PACSIN2: variants seen among roughly 807,000 people sequenced by gnomAD.
PACSIN2 encodes protein kinase C and casein kinase substrate in neurons 2, also known as protein kinase C and casein kinase substrate in neurons protein 2.
PACSIN2 carries 25 observed loss-of-function variants against 63.8 expected under a neutral mutation model. The observed-to-expected ratio is 0.39, with a 90% CI of 0.29 to 0.55. The LOEUF is 0.55. Ranked by LOEUF, PACSIN2 falls within the 20% of genes least tolerant of loss-of-function variation. The pLI is 0.62. For missense variants in PACSIN2, 518 were observed against 646.9 expected, an observed-to-expected ratio of 0.80 and a Z score of 2.16; for synonymous variants, 255 against 256.2, an observed-to-expected ratio of 1.00 and a Z score of 0.05.
At chr22:42,894,169 G>A (rs2146678171) in intron 2 of PACSIN2, among the ~76,000 whole-genome samples, 1 of 152,200 alleles carries the variant, frequency 6.6e-6, no homozygotes, top group South Asian at 2.1e-4. Flanking sequence ...TTTTACAGAT[G>A]AGGAAACAAA....
rs1470548272 is a variant in PACSIN2 at position 42,870,915 on chromosome 22, T to C, written c.*442A>G. The C allele has an allele frequency of 5.5e-6, 1 of 180,606 alleles. No individual in the cohort carries two copies. Among genetic ancestry groups the C allele is most frequent in the African/African-American group, 2.3e-5 (1 of 42,740 alleles). 11.2% of individuals were successfully genotyped at this position (180,606 alleles called of 1,614,324 possible). On this transcript the variant is annotated 3_prime_UTR_variant, in exon 11 of 11. Transcript: ENST00000263246. ...AAATGAACAGGTGTATAAAAAAGTA[T>C]AACTGTACACAGCCTTTAAATTAAA...
chr22:43,002,045 G>C (rs1307154773), intron 1 of PACSIN2, among the ~76,000 whole-genome samples: 1 of 152,190 alleles, frequency 6.6e-6, no homozygotes, highest in Non-Finnish European at 1.5e-5. Flanking sequence ...AAGTTCCACA[G>C]CAGACCAGAA....
At chr22:42,965,539 A>G (rs1920946115) in intron 1 of PACSIN2, among the ~76,000 whole-genome samples, 1 of 152,238 alleles carries the variant, frequency 6.6e-6, no homozygotes, top group African/African-American at 2.4e-5. Flanking sequence ...TGCATCTGCA[A>G]TACAGTGGTG....
chr22:42,870,399 AACTC>A lies in PACSIN2; in HGVS notation c.*954_*957del, dbSNP rs768845502. 6.6e-6 allele frequency: 1 copy of A among 152,190 alleles called. No individual in the cohort carries two copies. The highest frequency in any genetic ancestry group is 1.5e-5 in the Non-Finnish European group (1 of 68,026). 9.4% of individuals were successfully genotyped at this position (152,190 alleles called of 1,614,324 possible). A position where few individuals can be genotyped will look rare whatever the true frequency, so the allele number is the denominator to read the frequency against. ...CAGACTTCAAGCAGTTTACAAACGA[AACTC>A]ACTGTTAAAAGCTGTTAAATCTCAT... On this transcript the variant is annotated 3_prime_UTR_variant, in exon 11 of 11. Transcript: ENST00000263246.
intron 1 of PACSIN2, among the ~76,000 whole-genome samples, chr22:42,928,427 T>C (rs989056846): frequency 1.3e-5 from 2 of 152,246 alleles, no homozygotes; most frequent in African/African-American, 2.4e-5. Context: ...GAGCCTCACA[T>C]AGCTTCTAAT....
chr22:42,993,312 A>C (rs773580991), intron 1 of PACSIN2, among the ~76,000 whole-genome samples: 2 of 152,198 alleles, frequency 1.3e-5, no homozygotes, highest in Non-Finnish European at 2.9e-5. Context: ...GGGCAGAGGG[A>C]CCCCAAGTGG....
intron 1 of PACSIN2, among the ~76,000 whole-genome samples, chr22:42,936,736 C>T (rs914798620): frequency 1.4e-4 from 22 of 152,022 alleles, no homozygotes; most frequent in African/African-American, 5.3e-4. Context: ...CATGGTGAAA[C>T]CCCATCTCCA....
intron 1 of PACSIN2, among the ~76,000 whole-genome samples, chr22:43,003,692 C>A (rs1379031090): frequency 6.6e-6 from 1 of 152,192 alleles, no homozygotes; most frequent in Non-Finnish European, 1.5e-5. Flanking sequence ...AATGTGAAGA[C>A]CTTTCGCAAT....
rs1386948566 is a variant in PACSIN2, at chr22:42,870,828, G to A, written c.*529C>T. On this transcript the variant is annotated 3_prime_UTR_variant, in exon 11 of 11. Transcript: ENST00000263246. ...ACGGCGTGGCTGAGTAACAGGGTAAGGGAATAGGGAGATCGTTTCCTCAAG... is the reference window on the plus strand; with the variant it reads ...ACGGCGTGGCTGAGTAACAGGGTAAAGGAATAGGGAGATCGTTTCCTCAAG... The A allele has an allele frequency of 6.5e-6, 1 of 154,524 alleles. No homozygotes were observed. Among genetic ancestry groups the A allele is most frequent in the East Asian group, 1.9e-4 (1 of 5,296 alleles). 9.6% of individuals were successfully genotyped at this position (154,524 alleles called of 1,614,324 possible).
At chr22:42,986,446 CT>C (rs1922615870) in intron 1 of PACSIN2, among the ~76,000 whole-genome samples, 1 of 152,160 alleles carries the variant, frequency 6.6e-6, no homozygotes, top group Admixed American at 6.5e-5. Flanking sequence ...TCCCCTCTCC[CT>C]CCACAACCCC....
At chr22:43,010,398 A>ATATATATAT in intron 1 of PACSIN2, among the ~76,000 whole-genome samples, 13 of 126,410 alleles carry the variant, frequency 1.0e-4, no homozygotes, top group East Asian at 4.2e-4. Context: ...ATATATATAT[A>ATATATATAT]TTTTTTTTTA....
intron 1 of PACSIN2, among the ~76,000 whole-genome samples, chr22:42,963,279 G>A (rs148409190): frequency 1.3e-5 from 2 of 152,356 alleles, no homozygotes; most frequent in Admixed American, 1.3e-4. Flanking sequence ...CTCCAAGAGT[G>A]TGCAACCAGC....
chr22:42,911,445 C>T (rs978615510), intron 2 of PACSIN2, among the ~76,000 whole-genome samples: 1 of 148,828 alleles, frequency 6.7e-6, no homozygotes, highest in African/African-American at 2.5e-5. Context: ...TTTCCATTAA[C>T]TAGCAGGAAG....
chr22:42,889,371 T>TC (rs1929730128), intron 4 of PACSIN2, among the ~76,000 whole-genome samples: 1 of 7,542 alleles, frequency 1.3e-4, no homozygotes, highest in South Asian at 0.012. Flanking sequence ...TTTAATGGTT[T>TC]TTACACACAC....
chr22:42,944,643 C>T (rs1278559298), intron 1 of PACSIN2, among the ~76,000 whole-genome samples: 2 of 152,174 alleles, frequency 1.3e-5, no homozygotes, highest in Admixed American at 6.5e-5. Context: ...AAATTGGAAA[C>T]GAGTCAGCTG....
At chr22:42,961,447 TAA>T (rs10678680) in intron 1 of PACSIN2, among the ~76,000 whole-genome samples, 13 of 121,180 alleles carry the variant, frequency 1.1e-4, no homozygotes, top group African/African-American at 2.3e-4. Context: ...AATGATCAAT[TAA>T]AAAAAAAAAA....
At chr22:42,954,324 G>A (rs1483913215) in intron 1 of PACSIN2, among the ~76,000 whole-genome samples, 2 of 152,218 alleles carry the variant, frequency 1.3e-5, no homozygotes, top group African/African-American at 4.8e-5. Context: ...AGCCCATTGA[G>A]CCTCTAGTCT....
intron 1 of PACSIN2, among the ~76,000 whole-genome samples, chr22:42,918,797 C>T (rs377449552): frequency 6.6e-5 from 10 of 152,336 alleles, no homozygotes; most frequent in African/African-American, 2.4e-4. Flanking sequence ...TACCACATCC[C>T]CAAAGGCGCT....
At chr22:42,948,687 G>T (rs1933541864) in intron 1 of PACSIN2, among the ~76,000 whole-genome samples, 1 of 152,082 alleles carries the variant, frequency 6.6e-6, no homozygotes, top group African/African-American at 2.4e-5. Flanking sequence ...AGAGGATTTG[G>T]TTTTCAAATA....
Sources: allele counts gnomAD v4.1 joint callset (sites outside exome capture counted in the v4.1 genomes callset), GRCh38; gene constraint gnomAD v4.1.1; transcripts MANE v1.5; gene names NCBI Gene and HGNC (gene_info 2026-07-23, HGNC 2026-07-21).